EIF4E: variants seen among roughly 807,000 people sequenced by gnomAD.
EIF4E encodes the protein eukaryotic translation initiation factor 4E, also known as eIF-4F 25 kDa subunit.
For synonymous variants in EIF4E, 71 were observed against 88.5 expected, an observed-to-expected ratio of 0.80 and a Z score of 1.11; for missense variants, 113 against 265.6, an observed-to-expected ratio of 0.43 and a Z score of 3.99.
chr4:98,912,449 G>T (rs1579176201), intron 1 of EIF4E, among the ~76,000 whole-genome samples: 1 of 151,716 alleles, frequency 6.6e-6, no homozygotes, highest in African/African-American at 2.4e-5. Context: ...GGTGGTGCAT[G>T]CCTGTAATCC....
intron 1 of EIF4E, among the ~76,000 whole-genome samples, chr4:98,905,339 G>A (rs1403951914): frequency 6.6e-6 from 1 of 152,000 alleles, no homozygotes; most frequent in East Asian, 1.9e-4. Context: ...TAATCTCAAA[G>A]TAGTCAAACA....
intron 1 of EIF4E, among the ~76,000 whole-genome samples, chr4:98,921,030 T>C (rs868704422): frequency 3.9e-5 from 6 of 152,190 alleles, no homozygotes; most frequent in South Asian, 2.1e-4. Flanking sequence ...AAAAATAACT[T>C]GCCTTGCTAA....
intron 2 of EIF4E, among the ~76,000 whole-genome samples, chr4:98,892,965 A>G (rs1461487951): frequency 6.6e-6 from 1 of 152,198 alleles, no homozygotes. Context: ...AACATATTAT[A>G]TATAGAGGCA....
intron 1 of EIF4E, among the ~76,000 whole-genome samples, chr4:98,928,708 C>T (rs1168843032): frequency 6.6e-6 from 1 of 152,174 alleles, no homozygotes; most frequent in African/African-American, 2.4e-5. Context: ...GGCTCGCCGC[C>T]CACCCTGCCT....
intron 2 of EIF4E, among the ~76,000 whole-genome samples, chr4:98,892,989 T>C (rs1724220368): frequency 6.6e-6 from 1 of 152,230 alleles, no homozygotes. Flanking sequence ...CTTGGATATA[T>C]TGTGAGTCCA....
At chr4:98,895,458 A>G (rs967503167) in intron 2 of EIF4E, 1 of 152,258 alleles carries the variant, frequency 6.6e-6, no homozygotes, top group Non-Finnish European at 1.5e-5. Context: ...ACCAAAGGGC[A>G]GTCAAAGGGA....
chr4:98,898,532 C>T (rs909918165), intron 2 of EIF4E, among the ~76,000 whole-genome samples: 2 of 150,428 alleles, frequency 1.3e-5, no homozygotes, highest in African/African-American at 2.5e-5. Flanking sequence ...CGCTTGAACC[C>T]GGGAGGTGGA....
intron 1 of EIF4E, among the ~76,000 whole-genome samples, chr4:98,914,087 C>T (rs1725267147): frequency 1.3e-5 from 2 of 150,854 alleles, no homozygotes; most frequent in African/African-American, 4.9e-5. Context: ...AGGCCAGGCA[C>T]GGTGGCTCAC....
At chr4:98,919,115 T>C (rs964496555) in intron 1 of EIF4E, among the ~76,000 whole-genome samples, 1 of 152,160 alleles carries the variant, frequency 6.6e-6, no homozygotes, top group African/African-American at 2.4e-5. Flanking sequence ...AAGACCATCC[T>C]AGCCAACGTG....
At chr4:98,890,387 A>G (rs547512310) in intron 3 of EIF4E, among the ~76,000 whole-genome samples, 2 of 152,374 alleles carry the variant, frequency 1.3e-5, no homozygotes, top group South Asian at 4.1e-4. Flanking sequence ...TTTGCCTTTC[A>G]TGGTCTCAAA....
At chr4:98,922,354 G>C (rs1048406217) in intron 1 of EIF4E, among the ~76,000 whole-genome samples, 4 of 151,982 alleles carry the variant, frequency 2.6e-5, no homozygotes, top group Admixed American at 6.6e-5. Context: ...TCAGGAGTTC[G>C]AGACCAGCCT....
At chr4:98,890,245 A>T (rs1724092536) in intron 3 of EIF4E, among the ~76,000 whole-genome samples, 2 of 152,228 alleles carry the variant, frequency 1.3e-5, no homozygotes, top group Admixed American at 1.3e-4. Context: ...TATGAGCAGA[A>T]TATCTTGAGG....
chr4:98,928,749 C>T, intron 1 of EIF4E: 3 of 1,165,216 alleles, frequency 2.6e-6, no homozygotes, highest in East Asian at 5.7e-5. Flanking sequence ...GGAGCCGGCC[C>T]TGCGCCTTCC....
chr4:98,889,341 G>C (rs1724055815), intron 3 of EIF4E, among the ~76,000 whole-genome samples: 1 of 152,026 alleles, frequency 6.6e-6, no homozygotes, highest in East Asian at 1.9e-4. Flanking sequence ...AAAAAGACGG[G>C]ATACTAAGTG....
At chr4:98,894,480 T>C (rs1724282089) in intron 2 of EIF4E, among the ~76,000 whole-genome samples, 1 of 152,270 alleles carries the variant, frequency 6.6e-6, no homozygotes, top group Admixed American at 6.5e-5. Context: ...CAGCCCTTGC[T>C]GCTTCACCTT....
chr4:98,909,686 C>A, intron 1 of EIF4E: 1 of 710,850 alleles, frequency 1.4e-6, no homozygotes. Context: ...ACCTGGGATT[C>A]TCGCAGACTT....
chr4:98,916,087 A>G (rs1225310930), intron 1 of EIF4E, among the ~76,000 whole-genome samples: 1 of 151,720 alleles, frequency 6.6e-6, no homozygotes, highest in African/African-American at 2.4e-5. Context: ...GCTACTCGAG[A>G]GGCTGAGGTG....
At chr4:98,923,515 G>A (rs568613873) in intron 1 of EIF4E, among the ~76,000 whole-genome samples, 33 of 152,250 alleles carry the variant, frequency 2.2e-4, no homozygotes, top group Non-Finnish European at 4.0e-4. Context: ...GTCTCGCCAT[G>A]TTGGCCAGGC....
chr4:98,909,580 T>C (rs1049610025), intron 1 of EIF4E: 23 of 675,438 alleles, frequency 3.4e-5, no homozygotes, highest in Non-Finnish European at 5.7e-5. Context: ...ATGTTCTTTA[T>C]ATTCCTCAGC....
Sources: gnomAD v4.1 joint callset for allele counts (sites outside exome capture counted in the v4.1 genomes callset) on GRCh38, gnomAD v4.1.1 for gene constraint, MANE v1.5 for transcripts, NCBI Gene and HGNC (gene_info 2026-07-23, HGNC 2026-07-21) for gene names.